The following PRKN variants were observed in gnomAD, a reference collection of about 807,000 sequenced individuals.
PRKN encodes the protein E3 ubiquitin-protein ligase parkin.
Under a neutral mutation model 59.5 loss-of-function variants are expected in PRKN, and 56 were observed. The ratio of observed to expected loss-of-function variants is 0.94; its 90% CI spans 0.76 to 1.18. The LOEUF is 1.18. Among genes scored for constraint, PRKN ranks in the 50% most tolerant of loss-of-function variants. The probability of loss-of-function intolerance (pLI) is 0.00; values close to 1 mark genes in which losing one functional copy is unlikely to be tolerated. For missense variants in PRKN, 657 were observed against 596.4 expected, an observed-to-expected ratio of 1.10 and a Z score of -1.06; for synonymous variants, 250 against 222.1, an observed-to-expected ratio of 1.13 and a Z score of -1.12.
At position 161,407,347 on chromosome 6, in the gene PRKN, A is replaced by G. The variant is rs9347506; in HGVS notation, c.1084-20470T>C. On this transcript the variant is annotated intron_variant, in intron 9 of 11. Transcript: ENST00000366898. This position sits in a 1 kb window ranked among gnomAD's most constrained non-coding sequence, Gnocchi z 4.9. ...AAAGGGAGGGGCTGGGGAAGGGGGCAGCTGCACTCGGTGGGAGGCTCTGCA... is the reference window on the plus strand; with the variant it reads ...AAAGGGAGGGGCTGGGGAAGGGGGCGGCTGCACTCGGTGGGAGGCTCTGCA... Among the ~76,000 whole-genome samples, 36,067 of 151,898 alleles carry G rather than the reference A, an allele frequency of 0.24. 4,511 individuals are homozygous for G. The highest frequency in any genetic ancestry group is 0.29 in the South Asian group (1,376 of 4,784).
Position 162,328,320 on chromosome 6 carries a change from C to T in PRKN, c.172-65555G>A, listed in dbSNP as rs568384648. On this transcript the variant is annotated intron_variant, in intron 2 of 11. Coordinates refer to ENST00000366898, the MANE Select transcript of PRKN (RefSeq NM_004562.3). The stretch of plus-strand genomic sequence containing the variant: ...GACAGAGGCTGCAGCGAGCCGAGAT[C>T]GCACCACTGCACTGCAGCCTGGCAA... 4.5e-3 allele frequency among the ~76,000 whole-genome samples: 691 copies of T among 152,172 alleles called. 4 individuals are homozygous for T. Among genetic ancestry groups the T allele is most frequent in the Middle Eastern group, 0.01 (3 of 294 alleles).
In PRKN at chr6:162,402,527, G is replaced by A. The variant is rs190180517; in HGVS notation, c.171+40783C>T. ...GTCTCGGGGTATAAGACTTTAGGCTGACCCCCAAAAAAGGAAAAGTTAAAA... is the reference window on the plus strand; with the variant it reads ...GTCTCGGGGTATAAGACTTTAGGCTAACCCCCAAAAAAGGAAAAGTTAAAA... On this transcript the variant is annotated intron_variant, in intron 2 of 11. Coordinates refer to ENST00000366898, the MANE Select transcript of PRKN (RefSeq NM_004562.3). Among the ~76,000 whole-genome samples the A allele has an allele frequency of 1.3e-3, 204 of 151,692 alleles. 1 individual carries two copies. The highest frequency in any genetic ancestry group is 4.7e-3 in the African/African-American group (193 of 41,376).
chr6:162,040,953 G>A lies in PRKN; in HGVS notation c.618+13138C>T, dbSNP rs143046393. Reference sequence around the variant, plus strand: ...ATACCATGGAACGTTGGGAAGCCGAGGTGGGTAGATCACCTGAGGTCAGGA... The same window carrying A: ...ATACCATGGAACGTTGGGAAGCCGAAGTGGGTAGATCACCTGAGGTCAGGA... On this transcript the variant is annotated intron_variant, in intron 5 of 11. Transcript: ENST00000366898. 7.2e-3 allele frequency among the ~76,000 whole-genome samples: 1,095 copies of A among 151,410 alleles called. 10 individuals are homozygous for A. The highest frequency in any genetic ancestry group is 0.025 in the African/African-American group (1,050 of 41,312).
chr6:161,418,248 C>T (rs774931207), intron 9 of PRKN, among the ~76,000 whole-genome samples: 38 of 152,212 alleles, frequency 2.5e-4, no homozygotes, highest in Admixed American at 8.5e-4. Flanking sequence ...GTTTACTCCA[C>T]GGAGAGAAGA....
intron 6 of PRKN, among the ~76,000 whole-genome samples, chr6:161,793,983 C>A (rs1249875782): frequency 1.3e-5 from 2 of 152,084 alleles, no homozygotes; most frequent in Non-Finnish European, 2.9e-5. Context: ...GTGTTTGTTT[C>A]CAAGTTTGAC....
At chr6:161,553,359 C>G (rs150741343) in intron 8 of PRKN, among the ~76,000 whole-genome samples, 1 of 151,554 alleles carries the variant, frequency 6.6e-6, no homozygotes, top group Non-Finnish European at 1.5e-5. Flanking sequence ...CTCTCCCTAC[C>G]CCCTCTCTTT....
At chr6:161,761,017 G>A (rs991722776) in intron 7 of PRKN, among the ~76,000 whole-genome samples, 10 of 152,176 alleles carry the variant, frequency 6.6e-5, no homozygotes, top group Admixed American at 5.9e-4. Context: ...CAGAATGGCA[G>A]ACTGCCGTAA....
chr6:161,562,016 A>C lies in PRKN; in HGVS notation c.933+7339T>G, dbSNP rs1780473199. 6.6e-6 allele frequency among the ~76,000 whole-genome samples: 1 copy of C among 151,970 alleles called. No homozygotes were observed. The highest frequency in any genetic ancestry group is 2.4e-5 in the African/African-American group (1 of 41,376). On this transcript the variant is annotated intron_variant, in intron 8 of 11. Transcript: ENST00000366898. This position sits in a 1 kb window ranked among gnomAD's most constrained non-coding sequence, Gnocchi z 4.3. ...GCAAACTCTCAGTAGCATTCAACAC[A>C]AATCACCATTCCTCCTCTGGAAGGC...
At chr6:161,765,473 T>C (rs776987213) in intron 7 of PRKN, among the ~76,000 whole-genome samples, 7 of 152,206 alleles carry the variant, frequency 4.6e-5, no homozygotes, top group Admixed American at 2.0e-4. Flanking sequence ...GAAAATAAAG[T>C]TTGAAGTTAG....
intron 1 of PRKN, among the ~76,000 whole-genome samples, chr6:162,551,427 T>C (rs1779328381): frequency 6.6e-6 from 1 of 152,322 alleles, no homozygotes; most frequent in South Asian, 2.1e-4. Flanking sequence ...AAATATACAG[T>C]TATTCAGAGA....
chr6:162,387,545 C>G (rs945743463), intron 2 of PRKN, among the ~76,000 whole-genome samples: 1 of 74,864 alleles, frequency 1.3e-5, no homozygotes, highest in Non-Finnish European at 2.4e-5. Context: ...CACACACACA[C>G]ACACACACAC....
chr6:162,472,194 C>T (rs1353225678), intron 1 of PRKN, among the ~76,000 whole-genome samples: 1 of 144,958 alleles, frequency 6.9e-6, no homozygotes, highest in African/African-American at 2.5e-5. Flanking sequence ...TAGAGGAAGA[C>T]ATTCCAAACT....
chr6:161,382,107 A>G (rs1314870576), intron 10 of PRKN, among the ~76,000 whole-genome samples: 3 of 134,086 alleles, frequency 2.2e-5, no homozygotes, highest in African/African-American at 9.3e-5. Flanking sequence ...GCGAGACTCC[A>G]TCTCAAAAAA....
At chr6:161,869,435 T>C (rs1433660775) in intron 6 of PRKN, among the ~76,000 whole-genome samples, 5 of 152,106 alleles carry the variant, frequency 3.3e-5, no homozygotes, top group Non-Finnish European at 2.9e-5. Context: ...GGTCAACCCA[T>C]ACACATGCTT....
At chr6:162,586,600 A>G (rs1397412172) in intron 1 of PRKN, among the ~76,000 whole-genome samples, 1 of 152,214 alleles carries the variant, frequency 6.6e-6, no homozygotes, top group East Asian at 1.9e-4. Flanking sequence ...CATAGCAATC[A>G]GGACTTGAAA....
In PRKN at chr6:161,423,230, A is replaced by G. The variant is rs541908117; in HGVS notation, c.1084-36353T>C. Among the ~76,000 whole-genome samples, 8 of 152,226 alleles carry G rather than the reference A, an allele frequency of 5.3e-5. No homozygotes were observed. In the South Asian group the frequency reaches 1.7e-3, roughly 32 times the overall value. ...CTGAGAAGACGTGGCCCCCAAATGAATAGGGAGGCACTCACGTTAATTTTT... is the reference window on the plus strand; with the variant it reads ...CTGAGAAGACGTGGCCCCCAAATGAGTAGGGAGGCACTCACGTTAATTTTT... On this transcript the variant is annotated intron_variant, in intron 9 of 11. Coordinates refer to ENST00000366898, the MANE Select transcript of PRKN (RefSeq NM_004562.3). This position sits in a 1 kb window ranked among gnomAD's most constrained non-coding sequence, Gnocchi z 5.9.
At chr6:161,788,649 G>C (rs917743907) in intron 6 of PRKN, among the ~76,000 whole-genome samples, 2 of 138,358 alleles carry the variant, frequency 1.4e-5, no homozygotes, top group Non-Finnish European at 2.9e-5. Flanking sequence ...GAGCAGTGAA[G>C]GGACTAGCAT....
intron 2 of PRKN, among the ~76,000 whole-genome samples, chr6:162,340,433 C>A (rs536046848): frequency 6.6e-6 from 1 of 152,282 alleles, no homozygotes; most frequent in African/African-American, 2.4e-5. Context: ...TTCCTGAATA[C>A]CAATGTCTAG....
chr6:161,397,143 C>G lies in PRKN; in HGVS notation c.1084-10266G>C, dbSNP rs1356306545. On this transcript the variant is annotated intron_variant, in intron 9 of 11. Coordinates refer to ENST00000366898, the MANE Select transcript of PRKN (RefSeq NM_004562.3). This position sits in a 1 kb window ranked among gnomAD's most constrained non-coding sequence, Gnocchi z 4.2. Reference sequence around the variant, plus strand: ...ATATGAAACTGTCTCCACCTATCTCCTCTTCTAAAGGGATAGGATTTGTAT... The same window carrying G: ...ATATGAAACTGTCTCCACCTATCTCGTCTTCTAAAGGGATAGGATTTGTAT... 2.0e-5 allele frequency among the ~76,000 whole-genome samples: 3 copies of G among 152,180 alleles called. No homozygotes were observed. Among genetic ancestry groups the G allele is most frequent in the African/African-American group, 7.2e-5 (3 of 41,426 alleles).
Sources: gnomAD v4.1 joint callset for allele counts (sites outside exome capture counted in the v4.1 genomes callset) on GRCh38, gnomAD v4.1.1 for gene constraint, Gnocchi (gnomAD v3.1) non-coding constraint, MANE v1.5 for transcripts, NCBI Gene and HGNC (gene_info 2026-07-23, HGNC 2026-07-21) for gene names.